The following THRB variants were observed in gnomAD, a reference collection of about 807,000 sequenced individuals.
The protein encoded by THRB is nuclear receptor subfamily 1 group A member 2.
Under a neutral mutation model 47.8 loss-of-function variants are expected in THRB, and 12 were observed. That is an observed-to-expected ratio of 0.25 (90% CI 0.16 to 0.41). THRB has a LOEUF of 0.41. THRB is among the 10% of genes least tolerant of loss of function. The probability of loss-of-function intolerance (pLI) is 1.00; values close to 1 mark genes in which losing one functional copy is unlikely to be tolerated. For missense variants in THRB, 348 were observed against 589.2 expected, an observed-to-expected ratio of 0.59 and a Z score of 4.24; for synonymous variants, 218 against 212.2, an observed-to-expected ratio of 1.03 and a Z score of -0.24.
chr3:24,152,971 AAAGAAAGAAAG>A (rs1173848751), intron 5 of THRB, among the ~76,000 whole-genome samples: 871 of 12,450 alleles, frequency 0.07, 10 homozygotes, highest in South Asian at 0.42. Flanking sequence ...AAAAAAAAAA[AAAGAAAGAAAG>A]AAAGAAAGAA....
chr3:24,314,049 A>G (rs1244258628), intron 2 of THRB, among the ~76,000 whole-genome samples: 6 of 152,204 alleles, frequency 3.9e-5, no homozygotes, highest in African/African-American at 1.4e-4. Flanking sequence ...TAAGAAAAGT[A>G]TATTTTTGTT....
chr3:24,203,984 T>G (rs1359528636), intron 4 of THRB, among the ~76,000 whole-genome samples: 1 of 152,188 alleles, frequency 6.6e-6, no homozygotes, highest in Non-Finnish European at 1.5e-5. Context: ...TGCTGAGGCT[T>G]GAGTAGGTAA....
At chr3:24,369,935 C>T (rs2064778524) in intron 1 of THRB, among the ~76,000 whole-genome samples, 1 of 152,122 alleles carries the variant, frequency 6.6e-6, no homozygotes, top group Admixed American at 6.6e-5. Context: ...TGTGTGGAGC[C>T]AAATCCCATG....
At chr3:24,470,444 G>A (rs1285157786) in intron 1 of THRB, among the ~76,000 whole-genome samples, 3 of 152,196 alleles carry the variant, frequency 2.0e-5, no homozygotes, top group African/African-American at 7.2e-5. Context: ...CCTTAGGAAA[G>A]TTGCTCAACC....
At chr3:24,386,027 C>T (rs1468817932) in intron 1 of THRB, among the ~76,000 whole-genome samples, 1 of 152,102 alleles carries the variant, frequency 6.6e-6, no homozygotes, top group Non-Finnish European at 1.5e-5. Flanking sequence ...TCATACTTGT[C>T]AGCCTACATA....
intron 4 of THRB, among the ~76,000 whole-genome samples, chr3:24,194,136 G>A (rs2043684909): frequency 6.6e-6 from 1 of 152,180 alleles, no homozygotes; most frequent in Admixed American, 6.5e-5. Flanking sequence ...GGGTCAGGGT[G>A]ATGAGGGATA....
chr3:24,343,665 A>G (rs541383281), intron 1 of THRB, among the ~76,000 whole-genome samples: 1 of 152,030 alleles, frequency 6.6e-6, no homozygotes, highest in Non-Finnish European at 1.5e-5. Flanking sequence ...TGACTAATCA[A>G]TTGCAATCTT....
chr3:24,312,204 C>T (rs1237127927), intron 2 of THRB, among the ~76,000 whole-genome samples: 3 of 152,254 alleles, frequency 2.0e-5, no homozygotes, highest in Non-Finnish European at 4.4e-5. Context: ...AGGTGCCCCA[C>T]CCATGTGGGG....
At chr3:24,381,347 A>T (rs925405816) in intron 1 of THRB, among the ~76,000 whole-genome samples, 3 of 152,148 alleles carry the variant, frequency 2.0e-5, no homozygotes, top group Non-Finnish European at 2.9e-5. Context: ...CTTCTAGGAG[A>T]GTTGAACAAA....
Position 24,341,231 on chromosome 3 carries a change from CT to C in THRB, c.-260-3861del, listed in dbSNP as rs5847287. Reference sequence around the variant, plus strand: ...GGTAAAACAATTAACATGAGATTACCTTTTTTTTTTTTTTTTTTGAGACAGG... The same window carrying C: ...GGTAAAACAATTAACATGAGATTACCTTTTTTTTTTTTTTTTTGAGACAGG... On this transcript the variant is annotated intron_variant, in intron 1 of 10. Transcript: ENST00000646209. Among the ~76,000 whole-genome samples, 480 of 104,040 alleles carry C rather than the reference CT, an allele frequency of 4.6e-3. 1 individual carries two copies. Among genetic ancestry groups the C allele is most frequent in the South Asian group, 0.027 (79 of 2,886 alleles). The allele number at this position is 104,040 out of a possible 152,430, so 68.3% of individuals were successfully genotyped here. A position where few individuals can be genotyped will look rare whatever the true frequency, so the allele number is the denominator to read the frequency against.
rs1156905672 is a variant in THRB at position 24,200,284 on chromosome 3, G to T, written c.23-9950C>A. ...AAAAAAACCCAAGATATCTTTATGA[G>T]ACTCGCCCCATTTTATGCTCCCAAA... On this transcript the variant is annotated intron_variant, in intron 4 of 10. Transcript: ENST00000646209. 2.6e-5 allele frequency among the ~76,000 whole-genome samples: 4 copies of T among 152,108 alleles called. No individual in the cohort carries two copies. The East Asian group carries it at 7.7e-4, about 29-fold the overall frequency.
chr3:24,444,245 C>A (rs753329642), intron 1 of THRB, among the ~76,000 whole-genome samples: 3 of 152,018 alleles, frequency 2.0e-5, no homozygotes, highest in African/African-American at 4.8e-5. Flanking sequence ...ATGATAGAAT[C>A]ATTTTTTGAT....
At chr3:24,212,764 G>C (rs1035201868) in intron 4 of THRB, among the ~76,000 whole-genome samples, 1 of 152,050 alleles carries the variant, frequency 6.6e-6, no homozygotes, top group Non-Finnish European at 1.5e-5. Flanking sequence ...AGACAGCCTG[G>C]GAGAAAGCTG....
chr3:24,323,390 T>C lies in THRB; in HGVS notation c.-189+13910A>G, dbSNP rs140389926. On this transcript the variant is annotated intron_variant, in intron 2 of 10. Coordinates refer to ENST00000646209, the MANE Select transcript of THRB (RefSeq NM_001354712.2). ...GGAGGAACAACCATCATACAATACA[T>C]CTAGCTATGTGGAGTGCAAGAGCTC... Among the ~76,000 whole-genome samples the C allele has an allele frequency of 1.6e-3, 240 of 152,288 alleles. 6 individuals carry two copies. Among genetic ancestry groups the C allele is most frequent in the Admixed American group, 0.012 (182 of 15,298 alleles).
rs1351256841 is a variant in THRB at position 24,395,924 on chromosome 3, G to C, written c.-260-58553C>G. The stretch of plus-strand genomic sequence containing the variant: ...AGAATTATATGGTTCCGTTTATATG[G>C]AATATCCAGAATGGGCAACTGTATA... On this transcript the variant is annotated intron_variant, in intron 1 of 10. Coordinates refer to ENST00000646209, the MANE Select transcript of THRB (RefSeq NM_001354712.2). 2.0e-5 allele frequency among the ~76,000 whole-genome samples: 3 copies of C among 152,042 alleles called. No individual in the cohort carries two copies. The East Asian group carries it at 5.8e-4, about 29-fold the overall frequency.
chr3:24,176,523 CCACAG>C (rs2041176206), intron 5 of THRB, among the ~76,000 whole-genome samples: 1 of 152,130 alleles, frequency 6.6e-6, no homozygotes, highest in Non-Finnish European at 1.5e-5. Context: ...TTAGACTATG[CCACAG>C]CTGATGTAGT....
chr3:24,181,036 C>T (rs371980933), intron 5 of THRB, among the ~76,000 whole-genome samples: 14 of 152,272 alleles, frequency 9.2e-5, no homozygotes, highest in African/African-American at 3.4e-4. Flanking sequence ...TTCGTAGAGA[C>T]TGAAAATGGG....
intron 1 of THRB, among the ~76,000 whole-genome samples, chr3:24,478,336 G>T (rs562738870): frequency 2.0e-5 from 3 of 152,246 alleles, no homozygotes; most frequent in Non-Finnish European, 4.4e-5. Flanking sequence ...CTGTACCCAA[G>T]CATACCTCTG....
At chr3:24,477,064 T>C (rs142233470) in intron 1 of THRB, among the ~76,000 whole-genome samples, 2,828 of 147,380 alleles carry the variant, frequency 0.019, 114 homozygotes, top group African/African-American at 0.068. Flanking sequence ...GCAATCATGA[T>C]CCAGGACATA....
Sources: allele counts gnomAD v4.1 joint callset (sites outside exome capture counted in the v4.1 genomes callset), GRCh38; gene constraint gnomAD v4.1.1; transcripts MANE v1.5; gene names NCBI Gene and HGNC (gene_info 2026-07-23, HGNC 2026-07-21).